The following DCAF17 variants were observed in gnomAD, a reference collection of about 807,000 sequenced individuals.
DCAF17 encodes DDB1- and CUL4-associated factor 17.
In DCAF17, 48 loss-of-function variants were observed where a neutral mutation model predicts 66.0. That is an observed-to-expected ratio of 0.73 (90% CI 0.58 to 0.92). DCAF17 has a LOEUF of 0.92. Ranked by LOEUF, DCAF17 falls within the 40% of genes least tolerant of loss-of-function variation. DCAF17 has a pLI of 0.00. For synonymous variants in DCAF17, 206 were observed against 214.6 expected, an observed-to-expected ratio of 0.96 and a Z score of 0.35; for missense variants, 562 against 622.8, an observed-to-expected ratio of 0.90 and a Z score of 1.04.
intron 6 of DCAF17, among the ~76,000 whole-genome samples, chr2:171,457,355 A>G (rs921974839): frequency 5.3e-5 from 8 of 152,300 alleles, no homozygotes; most frequent in African/African-American, 1.9e-4. Flanking sequence ...TTCCAAGGTA[A>G]TTGGACAAGG....
In DCAF17 at chr2:171,436,036, T is replaced by G. The variant is rs1181688301; in HGVS notation, c.230+850T>G. Among the ~76,000 whole-genome samples the G allele has an allele frequency of 4.6e-5, 7 of 152,246 alleles. 1 individual carries two copies. The highest frequency in any genetic ancestry group is 6.3e-3 in the Middle Eastern group (2 of 316). On this transcript the variant is annotated intron_variant, in intron 2 of 13. Coordinates refer to ENST00000375255, the MANE Select transcript of DCAF17 (RefSeq NM_025000.4). ...AGCAACCACTAGTCTGTTTTCTGTC[T>G]GTAGATTCACCTATTCTGTACTTTT...
In DCAF17 at chr2:171,482,332, A is replaced by G. The variant is rs748671292; in HGVS notation, c.*1218A>G. ...TTTAAGGTTAAAATATGGAATTTTT[A>G]GCTTGGATGATTTATATTAAAATCT... On this transcript the variant is annotated 3_prime_UTR_variant, in exon 14 of 14. Transcript: ENST00000375255. The G allele has an allele frequency of 2.2e-6, 1 of 453,830 alleles. No individual in the cohort carries two copies. The highest frequency in any genetic ancestry group is 1.6e-5 in the South Asian group (1 of 64,360). The allele number at this position is 453,830 out of a possible 1,614,324, so 28.1% of individuals were successfully genotyped here. A position where few individuals can be genotyped will look rare whatever the true frequency, so the allele number is the denominator to read the frequency against.
rs902160806 is a variant in DCAF17, at chr2:171,453,187, G to C, written c.601G>C (p.Val201Leu). ...GTTCCGAGTTCTACCTTTTTCACTTGTAGGGATTCTAGAGATCAACAAAAA... is the reference window on the plus strand; with the variant it reads ...GTTCCGAGTTCTACCTTTTTCACTTCTAGGGATTCTAGAGATCAACAAAAA... Reference protein sequence around the residue: ...AVFRVLPFSLVGILEINKKIF... With the variant: ...AVFRVLPFSLLGILEINKKIF... The change falls in exon 6 of 14, where the codon GTA becomes CTA. Residue 201 changes from valine (V) to leucine (L), a missense_variant. Transcript: ENST00000375255. 6.2e-7 allele frequency: 1 copy of C among 1,612,474 alleles called. No individual in the cohort carries two copies. Among genetic ancestry groups the C allele is most frequent in the Admixed American group, 1.7e-5 (1 of 59,888 alleles).
intron 6 of DCAF17, among the ~76,000 whole-genome samples, chr2:171,457,187 A>T (rs1695307823): frequency 6.6e-6 from 1 of 152,246 alleles, no homozygotes; most frequent in South Asian, 2.1e-4. Flanking sequence ...CAAAAAATAC[A>T]ACTCATAATT....
intron 5 of DCAF17, among the ~76,000 whole-genome samples, chr2:171,450,701 T>C (rs531388737): frequency 2.6e-5 from 4 of 152,278 alleles, no homozygotes; most frequent in Admixed American, 1.3e-4. Flanking sequence ...TCTGTTGTAG[T>C]TCTTTCTCAT....
intron 9 of DCAF17, among the ~76,000 whole-genome samples, chr2:171,472,371 G>A (rs539834426): frequency 6.6e-6 from 1 of 152,218 alleles, no homozygotes; most frequent in South Asian, 2.1e-4. Flanking sequence ...TAGAAACAGG[G>A]TTTCATCTTG....
intron 11 of DCAF17, 67 bp downstream of exon 11, chr2:171,477,017 A>C: frequency 8.1e-7 from 1 of 1,227,094 alleles, no homozygotes; most frequent in Non-Finnish European, 1.2e-6. Context: ...ATAATATGCT[A>C]ATATATTTGC....
chr2:171,473,773 C>T (rs1696370666), intron 9 of DCAF17, 93 bp from the exon 10 acceptor site: 1 of 979,866 alleles, frequency 1.0e-6, no homozygotes, highest in South Asian at 1.4e-5. Flanking sequence ...CTTCCGTGTA[C>T]CTTTGACCTA....
At position 171,480,184 on chromosome 2, in the gene DCAF17, A is replaced by G; in HGVS notation, c.1413A>G (p.Ser471=). The G allele has an allele frequency of 6.2e-7, 1 of 1,613,428 alleles. No homozygotes were observed. The highest frequency in any genetic ancestry group is 1.1e-5 in the South Asian group (1 of 91,076). The change falls in exon 13 of 14, where the codon TCA becomes TCG. Residue 471 remains serine (S), a synonymous_variant. Transcript: ENST00000375255. ...TTAAAAGCATTCCACTAGTGGAGTC[A>G]TGGGATGTGGTGAGTAGAGTCCGTG... The part of the protein sequence containing the change: ...TLLKSIPLVE[S]WDVTYSHEVY...
rs775577850 is a variant in DCAF17 at position 171,458,349 on chromosome 2, TTTTTG to T, written c.733-8_733-4del. On this transcript the variant is annotated intron_variant, in intron 7 of 13. Coordinates refer to ENST00000375255, the MANE Select transcript of DCAF17 (RefSeq NM_025000.4). The stretch of plus-strand genomic sequence containing the variant: ...AAATAAATAGGTGCTAAAGCCACCA[TTTTTG>T]TTTTGTTTTGTTTTTAGTTCATGCA... 1.4e-5 allele frequency: 23 copies of T among 1,588,160 alleles called. No homozygotes were observed. The African/African-American group carries it at 2.6e-4, about 18-fold the overall frequency.
rs1339535438 is a variant in DCAF17, at chr2:171,478,075, T to C, written c.1266+5T>C. 3 of 1,612,496 alleles carry C rather than the reference T, an allele frequency of 1.9e-6. No homozygotes were observed. Among genetic ancestry groups the C allele is most frequent in the East Asian group, 4.5e-5 (2 of 44,872 alleles). On this transcript the variant is annotated splice_donor_5th_base_variant and intron_variant, in intron 12 of 13. Coordinates refer to ENST00000375255, the MANE Select transcript of DCAF17 (RefSeq NM_025000.4). Reference sequence around the variant, plus strand: ...GATGATGACCCAGAACAAGAGGTATTGCTTTGGCCAGAGATGACAAACCAA... The same window carrying C: ...GATGATGACCCAGAACAAGAGGTATCGCTTTGGCCAGAGATGACAAACCAA...
intron 8 of DCAF17, among the ~76,000 whole-genome samples, chr2:171,466,727 GTTTT>G (rs74268270): frequency 1.5e-5 from 2 of 133,634 alleles, no homozygotes; most frequent in African/African-American, 2.7e-5. Context: ...TGTTTGTACT[GTTTT>G]TTTTTTTTTT....
At position 171,483,603 on chromosome 2, in the gene DCAF17, G is replaced by T. The variant is rs1332635466; in HGVS notation, c.*2489G>T. ...TACCGCTCTGTTTAGACAAATTAAG[G>T]CACTTCACATTCTTCCACCAATTGA... On this transcript the variant is annotated 3_prime_UTR_variant, in exon 14 of 14. Coordinates refer to ENST00000375255, the MANE Select transcript of DCAF17 (RefSeq NM_025000.4). The T allele has an allele frequency of 2.2e-6, 1 of 453,922 alleles. No individual in the cohort carries two copies. The highest frequency in any genetic ancestry group is 4.4e-6 in the Non-Finnish European group (1 of 226,804). The allele number at this position is 453,922 out of a possible 1,614,324, so 28.1% of individuals were successfully genotyped here. A position where few individuals can be genotyped will look rare whatever the true frequency, so the allele number is the denominator to read the frequency against.
At chr2:171,458,551 A>T (rs1695395505) in intron 8 of DCAF17, 74 bp downstream of exon 8, 5 of 1,141,232 alleles carry the variant, frequency 4.4e-6, no homozygotes, top group Non-Finnish European at 6.5e-6. Context: ...AATTATAGTC[A>T]TCCAAATGTT....
chr2:171,468,083 G>C (rs1696029100), intron 8 of DCAF17, among the ~76,000 whole-genome samples: 1 of 151,862 alleles, frequency 6.6e-6, no homozygotes, highest in African/African-American at 2.4e-5. Context: ...AATGAATTCA[G>C]GTCTTCTAAA....
At chr2:171,439,459 G>A (rs574698972) in intron 2 of DCAF17, among the ~76,000 whole-genome samples, 3 of 142,758 alleles carry the variant, frequency 2.1e-5, no homozygotes, top group South Asian at 2.2e-4. Flanking sequence ...TGTTAAAGGC[G>A]TTCTTCATTT....
rs151242438 is a variant in DCAF17, at chr2:171,440,517, C to T, written c.231-3006C>T. On this transcript the variant is annotated intron_variant, in intron 2 of 13. Coordinates refer to ENST00000375255, the MANE Select transcript of DCAF17 (RefSeq NM_025000.4). ...TTGAGCCCAGGAGGTCAAGGCTGCT[C>T]GAGCCGTCAGCATGCCACTGCACTC... 4.9e-3 allele frequency among the ~76,000 whole-genome samples: 738 copies of T among 151,856 alleles called. 3 individuals carry two copies. The highest frequency in any genetic ancestry group is 0.017 in the African/African-American group (707 of 41,388).
intron 8 of DCAF17, among the ~76,000 whole-genome samples, chr2:171,458,765 T>A (rs2105774759): frequency 6.6e-6 from 1 of 152,300 alleles, no homozygotes; most frequent in East Asian, 1.9e-4. Flanking sequence ...CAAAATGAGT[T>A]GCAGCAAATG....
chr2:171,447,720 T>C (rs964031730), intron 3 of DCAF17, among the ~76,000 whole-genome samples: 16 of 152,360 alleles, frequency 1.1e-4, no homozygotes, highest in Middle Eastern at 6.8e-3. Flanking sequence ...TAGGCTGATA[T>C]CGAACTCCTG....
Sources: allele counts gnomAD v4.1 joint callset (sites outside exome capture counted in the v4.1 genomes callset), GRCh38; gene constraint gnomAD v4.1.1; transcripts MANE v1.5; gene names NCBI Gene and HGNC (gene_info 2026-07-23, HGNC 2026-07-21).